Variants in SLC22A23 observed in about 807,000 individuals in gnomAD.
The protein encoded by SLC22A23 is solute carrier family 22 member 23, also known as ion transporter protein.
A neutral mutation model predicts 61.0 loss-of-function variants in SLC22A23; 26 were observed. The ratio of observed to expected loss-of-function variants is 0.43; its 90% CI spans 0.31 to 0.59. The LOEUF (loss-of-function observed/expected upper bound fraction) is 0.59, where lower values mean the gene tolerates loss of function less well. Ranked by LOEUF, SLC22A23 falls within the 20% of genes least tolerant of loss-of-function variation. The pLI is 0.11. For missense variants in SLC22A23, 796 were observed against 934.7 expected, an observed-to-expected ratio of 0.85 and a Z score of 1.94; for synonymous variants, 430 against 413.9, an observed-to-expected ratio of 1.04 and a Z score of -0.47.
At chr6:3,441,002 G>A (rs1332034316) in intron 1 of SLC22A23, among the ~76,000 whole-genome samples, 1 of 152,246 alleles carries the variant, frequency 6.6e-6, no homozygotes, top group Admixed American at 6.5e-5. Flanking sequence ...GACAGCCTCT[G>A]TAGTGGAGAG....
chr6:3,445,496 G>A (rs1007705402), intron 1 of SLC22A23, among the ~76,000 whole-genome samples: 1 of 152,088 alleles, frequency 6.6e-6, no homozygotes, highest in African/African-American at 2.4e-5. Context: ...CACTGTGCCC[G>A]GCCACTCTTG....
In SLC22A23 at chr6:3,322,029, TG is replaced by T. The variant is rs1468986568; in HGVS notation, c.1082+1804del. On this transcript the variant is annotated intron_variant, in intron 4 of 9. Coordinates refer to ENST00000406686, the MANE Select transcript of SLC22A23 (RefSeq NM_015482.2). The surrounding 1 kb of genome is among the most constrained non-coding windows in gnomAD (Gnocchi z 4.1). ...GTACCAGGGTGCCCGGCAGCCTACTTGGCGCTTTGGAGTACTGTATCTCTAA... is the reference window on the plus strand; with the variant it reads ...GTACCAGGGTGCCCGGCAGCCTACTTGCGCTTTGGAGTACTGTATCTCTAA... Among the ~76,000 whole-genome samples, 12 of 152,204 alleles carry T rather than the reference TG, an allele frequency of 7.9e-5. No homozygotes were observed. The highest frequency in any genetic ancestry group is 2.9e-4 in the African/African-American group (12 of 41,454).
intron 3 of SLC22A23, among the ~76,000 whole-genome samples, chr6:3,384,029 A>G (rs932575157): frequency 6.6e-6 from 1 of 152,238 alleles, no homozygotes; most frequent in Admixed American, 6.5e-5. Context: ...GGATGTCCGC[A>G]GTAATGATGT....
At chr6:3,448,192 C>T (rs1482023348) in intron 1 of SLC22A23, among the ~76,000 whole-genome samples, 3 of 152,092 alleles carry the variant, frequency 2.0e-5, no homozygotes, top group African/African-American at 4.8e-5. Context: ...CGTGAGCCAC[C>T]GCGCCCGGCC....
At position 3,398,485 on chromosome 6, in the gene SLC22A23, A is replaced by T. The variant is rs75132143; in HGVS notation, c.913+11703T>A. Reference sequence around the variant, plus strand: ...TTTTTTTTTTTTTTTTACAAGAATCATCAAAAGCCCTGTGGAAGGAAAAAC... The same window carrying T: ...TTTTTTTTTTTTTTTTACAAGAATCTTCAAAAGCCCTGTGGAAGGAAAAAC... On this transcript the variant is annotated intron_variant, in intron 3 of 9. Transcript: ENST00000406686. 4.0e-3 allele frequency among the ~76,000 whole-genome samples: 579 copies of T among 145,942 alleles called. 7 individuals are homozygous for T. Among genetic ancestry groups the T allele is most frequent in the African/African-American group, 0.014 (554 of 39,186 alleles).
chr6:3,388,264 C>T (rs1767436922), intron 3 of SLC22A23, among the ~76,000 whole-genome samples: 1 of 152,152 alleles, frequency 6.6e-6, no homozygotes, highest in Non-Finnish European at 1.5e-5. Context: ...CACATACTTC[C>T]TCATGGGGGA....
intron 3 of SLC22A23, among the ~76,000 whole-genome samples, chr6:3,370,501 TACAC>T (rs1766144605): frequency 6.6e-6 from 1 of 152,238 alleles, no homozygotes; most frequent in African/African-American, 2.4e-5. Context: ...CAACCACAGA[TACAC>T]ACACAGCCCT....
At position 3,454,016 on chromosome 6, in the gene SLC22A23, C is replaced by G. The variant is rs772831402; in HGVS notation, c.654+1890G>C. Among the ~76,000 whole-genome samples, 17 of 152,322 alleles carry G rather than the reference C, an allele frequency of 1.1e-4. No individual in the cohort carries two copies. Among genetic ancestry groups the G allele is most frequent in the Middle Eastern group, 3.4e-3 (1 of 294 alleles). ...GCATTTGTTATGTGCTTGAAACACACAGAACACTGGGAAGGCAGTCCTTTA... is the reference window on the plus strand; with the variant it reads ...GCATTTGTTATGTGCTTGAAACACAGAGAACACTGGGAAGGCAGTCCTTTA... On this transcript the variant is annotated intron_variant, in intron 1 of 9. Coordinates refer to ENST00000406686, the MANE Select transcript of SLC22A23 (RefSeq NM_015482.2). The surrounding 1 kb of genome is among the most constrained non-coding windows in gnomAD (Gnocchi z 4.3).
chr6:3,373,687 G>A (rs1766371272), intron 3 of SLC22A23, among the ~76,000 whole-genome samples: 1 of 152,134 alleles, frequency 6.6e-6, no homozygotes, highest in African/African-American at 2.4e-5. Flanking sequence ...AGGAGGAGGA[G>A]GAAGAAGAGG....
At chr6:3,455,063 T>C (rs1772328284) in intron 1 of SLC22A23, among the ~76,000 whole-genome samples, 1 of 152,230 alleles carries the variant, frequency 6.6e-6, no homozygotes. Flanking sequence ...TACAGCTGTC[T>C]AGGGGCATTG....
chr6:3,388,105 C>T (rs1375917950), intron 3 of SLC22A23, among the ~76,000 whole-genome samples: 1 of 152,140 alleles, frequency 6.6e-6, no homozygotes, highest in Non-Finnish European at 1.5e-5. Context: ...GCTCACTGGC[C>T]TAGATGTAGG....
At chr6:3,365,355 C>G (rs921342079) in intron 3 of SLC22A23, among the ~76,000 whole-genome samples, 4 of 152,132 alleles carry the variant, frequency 2.6e-5, no homozygotes, top group Admixed American at 2.6e-4. Context: ...ATAAACCGCC[C>G]TAGCTCCAGA....
chr6:3,293,025 G>A (rs77756767), intron 5 of SLC22A23, among the ~76,000 whole-genome samples: 3,324 of 152,292 alleles, frequency 0.022, 120 homozygotes, highest in African/African-American at 0.076. Context: ...CCAGGCCTCC[G>A]AGGACAGCAG....
rs2127486281 is a variant in SLC22A23 at position 3,390,582 on chromosome 6, C to A, written c.913+19606G>T. 6.6e-6 allele frequency among the ~76,000 whole-genome samples: 1 copy of A among 152,330 alleles called. No homozygotes were observed. Among genetic ancestry groups the A allele is most frequent in the East Asian group, 1.9e-4 (1 of 5,186 alleles). Reference sequence around the variant, plus strand: ...CTGAGGTACACTTCGGGTTCACTTGCAGGTTTAAATGTTACCTAAGAATAA... The same window carrying A: ...CTGAGGTACACTTCGGGTTCACTTGAAGGTTTAAATGTTACCTAAGAATAA... On this transcript the variant is annotated intron_variant, in intron 3 of 9. Coordinates refer to ENST00000406686, the MANE Select transcript of SLC22A23 (RefSeq NM_015482.2). This position sits in a 1 kb window ranked among gnomAD's most constrained non-coding sequence, Gnocchi z 4.0.
At chr6:3,354,755 T>G (rs1204966270) in intron 3 of SLC22A23, among the ~76,000 whole-genome samples, 1 of 152,250 alleles carries the variant, frequency 6.6e-6, no homozygotes, top group Admixed American at 6.5e-5. Flanking sequence ...AAATAGTGAA[T>G]GTCTAACAAA....
At chr6:3,319,760 G>A (rs779262508) in intron 4 of SLC22A23, among the ~76,000 whole-genome samples, 11 of 152,248 alleles carry the variant, frequency 7.2e-5, no homozygotes, top group African/African-American at 9.6e-5. Flanking sequence ...ATTTTCTTCC[G>A]TGTGAGTCCT....
At chr6:3,412,702 T>C (rs1769353262) in intron 2 of SLC22A23, among the ~76,000 whole-genome samples, 1 of 152,194 alleles carries the variant, frequency 6.6e-6, no homozygotes. Flanking sequence ...AAGATGAGAT[T>C]AAGCTTAAGG....
At chr6:3,301,707 G>A (rs1045676552) in intron 4 of SLC22A23, among the ~76,000 whole-genome samples, 1 of 152,220 alleles carries the variant, frequency 6.6e-6, no homozygotes, top group African/African-American at 2.4e-5. Context: ...CAGGTGGTGT[G>A]AACGAGCAGG....
intron 3 of SLC22A23, among the ~76,000 whole-genome samples, chr6:3,393,345 AT>A (rs1767789746): frequency 6.6e-6 from 1 of 152,202 alleles, no homozygotes; most frequent in African/African-American, 2.4e-5. Context: ...CCCATCCAAT[AT>A]AATAGCCACG....
Sources: allele counts gnomAD v4.1 joint callset (sites outside exome capture counted in the v4.1 genomes callset), GRCh38; gene constraint gnomAD v4.1.1; non-coding constraint Gnocchi (gnomAD v3.1); transcripts MANE v1.5; gene names NCBI Gene and HGNC (gene_info 2026-07-23, HGNC 2026-07-21).